Variants in SHROOM4 observed in about 807,000 individuals in gnomAD.
SHROOM4 encodes protein Shroom4.
In SHROOM4, 17 loss-of-function variants were observed where a neutral mutation model predicts 80.3. That is an observed-to-expected ratio of 0.21 (90% CI 0.14 to 0.32). SHROOM4 has a LOEUF of 0.32. Ranked by LOEUF, SHROOM4 falls within the 10% of genes least tolerant of loss-of-function variation. The pLI is 1.00. For missense variants in SHROOM4, 993 were observed against 1,140.3 expected (o/e 0.87, Z 1.86); for synonymous variants, 400 against 437.5 (o/e 0.91, Z 1.07).
At chrX:50,801,015 T>G (rs1357938055) in intron 1 of SHROOM4, among the ~76,000 whole-genome samples, 1 of 110,043 alleles carries the variant, frequency 9.1e-6, no homozygotes, top group Non-Finnish European at 1.9e-5. Flanking sequence ...CAATGATGTT[T>G]CTTATTCTGA....
At position 50,721,229 on chromosome X, in the gene SHROOM4, G is replaced by C. The variant is rs1327766694; in HGVS notation, c.118-25292C>G. Among the ~76,000 whole-genome samples, 9 of 112,151 alleles carry C rather than the reference G, an allele frequency of 8.0e-5. 1 individual carries two copies. The highest frequency in any genetic ancestry group is 3.8e-4 in the Admixed American group (4 of 10,655). ...GGTCTGGATTCAGACCCCAAGAGAG[G>C]GTTCTTGGATCTTGCACAAGAAAGA... is the stretch of plus-strand genomic sequence containing the variant. On this transcript the variant is annotated intron_variant, in intron 1 of 8. Coordinates refer to ENST00000376020, the MANE Select transcript of SHROOM4 (RefSeq NM_020717.5).
chrX:50,605,601 T>C (rs1929628884), intron 6 of SHROOM4, among the ~76,000 whole-genome samples: 1 of 112,621 alleles, frequency 8.9e-6, no homozygotes, highest in Non-Finnish European at 1.9e-5. Flanking sequence ...CTGCCTCTGG[T>C]ACACCTTGCC....
intron 1 of SHROOM4, among the ~76,000 whole-genome samples, chrX:50,786,920 T>C (rs782090823): frequency 1.8e-5 from 2 of 111,031 alleles, no homozygotes; most frequent in Non-Finnish European, 3.8e-5. Context: ...ATAAAATATA[T>C]ATATTAAAAA....
chrX:50,745,737 T>G (rs1364092808), intron 1 of SHROOM4, among the ~76,000 whole-genome samples: 1 of 111,296 alleles, frequency 9.0e-6, no homozygotes, highest in African/African-American at 3.3e-5. Context: ...GACCCCCTGT[T>G]TTCTCGGTTG....
chrX:50,596,202 T>C lies in SHROOM4; in HGVS notation c.*493A>G, dbSNP rs1557246529. Reference sequence around the variant, plus strand: ...CCCTCTGTGCTTTCCCCTGCAAAGCTTGGGTGAGGCCCTGAAACTGGTGCC... The same window carrying C: ...CCCTCTGTGCTTTCCCCTGCAAAGCCTGGGTGAGGCCCTGAAACTGGTGCC... On this transcript the variant is annotated 3_prime_UTR_variant, in exon 9 of 9. Transcript: ENST00000376020. 4 of 332,342 alleles carry C rather than the reference T, an allele frequency of 1.2e-5. No homozygotes were observed. The highest frequency in any genetic ancestry group is 1.0e-4 in the South Asian group (4 of 38,570). 27.4% of individuals were successfully genotyped at this position (332,342 alleles called of 1,213,427 possible).
intron 1 of SHROOM4, among the ~76,000 whole-genome samples, chrX:50,800,512 C>CCT (rs782660407): frequency 1.3e-3 from 148 of 111,216 alleles, no homozygotes; most frequent in African/African-American, 4.8e-3. Context: ...AAAGATGATG[C>CCT]CCTAGAGGCT....
At chrX:50,734,466 T>G (rs1289986393) in intron 1 of SHROOM4, among the ~76,000 whole-genome samples, 1 of 111,256 alleles carries the variant, frequency 9.0e-6, no homozygotes, top group Non-Finnish European at 1.9e-5. Context: ...CAGGCTGGAG[T>G]GCAGTGGTGC....
chrX:50,655,308 T>C (rs1372121800), intron 2 of SHROOM4, among the ~76,000 whole-genome samples: 1 of 109,533 alleles, frequency 9.1e-6, no homozygotes. Flanking sequence ...ATATACCAAG[T>C]AATGGGATTG....
At chrX:50,805,057 C>A (rs1301634719) in intron 1 of SHROOM4, among the ~76,000 whole-genome samples, 2 of 111,490 alleles carry the variant, frequency 1.8e-5, no homozygotes, top group African/African-American at 3.3e-5. Context: ...AAGCTGCCTA[C>A]CTGTAGAATT....
In SHROOM4 at chrX:50,717,696, C is replaced by G. The variant is rs145652317; in HGVS notation, c.118-21759G>C. The stretch of plus-strand genomic sequence containing the variant: ...GTCCTTCAGCCCACTTAAAAAGACT[C>G]CAAGCCAGCATCTCCCCAGAAGGCA... On this transcript the variant is annotated intron_variant, in intron 1 of 8. Transcript: ENST00000376020. 8.6e-3 allele frequency among the ~76,000 whole-genome samples: 957 copies of G among 111,800 alleles called. 8 individuals are homozygous for G. The highest frequency in any genetic ancestry group is 0.029 in the African/African-American group (885 of 30,769).
intron 1 of SHROOM4, among the ~76,000 whole-genome samples, chrX:50,807,433 C>A (rs1273394256): frequency 8.9e-6 from 1 of 111,791 alleles, no homozygotes; most frequent in Non-Finnish European, 1.9e-5. Context: ...TATATTCCTA[C>A]ATAGGGGCTC....
intron 5 of SHROOM4, among the ~76,000 whole-genome samples, chrX:50,626,533 TCA>T (rs1930812717): frequency 8.9e-6 from 1 of 111,734 alleles, no homozygotes; most frequent in South Asian, 3.8e-4. Context: ...ACCAGCTGCA[TCA>T]GCATCACCCA....
rs782689260 is a variant in SHROOM4 at position 50,633,944 on chromosome X, G to A, written c.2129C>T (p.Ser710Leu). 5.0e-6 allele frequency: 6 copies of A among 1,211,925 alleles called. No homozygotes were observed. The highest frequency in any genetic ancestry group is 6.7e-6 in the Non-Finnish European group (6 of 895,550). Residue 710 changes from serine to leucine, a missense_variant, in exon 4 of 9, where the codon TCA (serine) becomes TTA (leucine). Coordinates refer to ENST00000376020, the MANE Select transcript of SHROOM4 (RefSeq NM_020717.5). ...TWWKAPDPSS[S>L]DPEKAHAHCG... Reference sequence around the variant, plus strand: ...GTGAGCATGTGCTTTCTCAGGGTCTGAGGAGGATGGGTCAGGTGCTTTCCA... The same window carrying A: ...GTGAGCATGTGCTTTCTCAGGGTCTAAGGAGGATGGGTCAGGTGCTTTCCA...
At chrX:50,763,437 T>A (rs1278624377) in intron 1 of SHROOM4, among the ~76,000 whole-genome samples, 1 of 111,519 alleles carries the variant, frequency 9.0e-6, no homozygotes, top group Non-Finnish European at 1.9e-5. Flanking sequence ...ACTATTCTGT[T>A]TCTTTGCATG....
At chrX:50,778,928 A>C (rs1321412533) in intron 1 of SHROOM4, among the ~76,000 whole-genome samples, 4 of 111,916 alleles carry the variant, frequency 3.6e-5, no homozygotes, top group African/African-American at 1.3e-4. Context: ...CCGTGAAATG[A>C]AGATACTAAT....
chrX:50,756,394 T>TA (rs1935039723), intron 1 of SHROOM4, among the ~76,000 whole-genome samples: 1 of 112,281 alleles, frequency 8.9e-6, no homozygotes, highest in Non-Finnish European at 1.9e-5. Flanking sequence ...ACTCAGAAGT[T>TA]GAGGATGTTT....
In SHROOM4 at chrX:50,587,074, C is replaced by G. The variant is rs782283720; in HGVS notation, c.*9621G>C. Among the ~76,000 whole-genome samples the G allele has an allele frequency of 1.8e-5, 2 of 112,010 alleles. No homozygotes were observed. The highest frequency in any genetic ancestry group is 6.5e-5 in the African/African-American group (2 of 30,895). On this transcript the variant is annotated 3_prime_UTR_variant, in exon 9 of 9. Transcript: ENST00000376020. ...GTAGCTTTGACCAACATCCTCATTT[C>G]TTCCACCTCCATCCCCCTGTGTGTT...
intron 1 of SHROOM4, among the ~76,000 whole-genome samples, chrX:50,718,101 T>G (rs1465137138): frequency 2.7e-5 from 3 of 111,817 alleles, no homozygotes; most frequent in Non-Finnish European, 5.6e-5. Flanking sequence ...GAGTGTCCAC[T>G]GTGTGCTGGG....
At position 50,634,515 on chromosome X, in the gene SHROOM4, T is replaced by A. The variant is rs782030832; in HGVS notation, c.1558A>T (p.Ser520Cys). ...GAGGGTTGCTGGTTGGCCAATTCAC[T>A]GGCTGCTCTGCTTGTTCTGTTTGGG... Reference protein sequence around the residue: ...LDPNRTSRAASELANQQPSAS... With the variant: ...LDPNRTSRAACELANQQPSAS... The change falls in exon 4 of 9, where the codon AGT becomes TGT. Residue 520 changes from serine to cysteine, a missense_variant. Transcript: ENST00000376020. 2.5e-6 allele frequency: 3 copies of A among 1,211,795 alleles called. No homozygotes were observed. Among genetic ancestry groups the A allele is most frequent in the Non-Finnish European group, 2.2e-6 (2 of 895,551 alleles).
Sources: allele counts gnomAD v4.1 joint callset (sites outside exome capture counted in the v4.1 genomes callset), GRCh38; gene constraint gnomAD v4.1.1; transcripts MANE v1.5; gene names NCBI Gene and HGNC (gene_info 2026-07-23, HGNC 2026-07-21).